ESPN: variants seen among roughly 807,000 people sequenced by gnomAD.
ESPN encodes the protein autosomal recessive deafness type 36 protein.
ESPN carries 68 observed loss-of-function variants against 77.7 expected under a neutral mutation model. The observed-to-expected ratio is 0.87, with a 90% confidence interval of 0.72 to 1.07. The LOEUF is 1.07. ESPN is among the 50% of genes least tolerant of loss of function. The probability of loss-of-function intolerance (pLI) is 0.00; values close to 1 mark genes in which losing one functional copy is unlikely to be tolerated. For synonymous variants in ESPN, 449 were observed against 567.1 expected (o/e 0.79, Z 2.96); for missense variants, 1,060 against 1,239.0 (o/e 0.86, Z 2.17).
chr1:6,433,079 A>G (rs11121849), intron 2 of ESPN, among the ~76,000 whole-genome samples: 27,689 of 149,554 alleles, frequency 0.19, 3,605 homozygotes, highest in African/African-American at 0.37. Flanking sequence ...CCAAGATCGC[A>G]CCACTGCACT....
chr1:6,433,718 A>G (rs74049570), intron 2 of ESPN, among the ~76,000 whole-genome samples: 3,958 of 151,936 alleles, frequency 0.026, 168 homozygotes, highest in African/African-American at 0.091. Context: ...CTGTGGTCCC[A>G]TCCAACAGGC....
Position 6,425,266 on chromosome 1 carries a change from C to T in ESPN, c.294+17C>T, listed in dbSNP as rs755504213. Reference sequence around the variant, plus strand: ...AGAGTGCAGGTGGGTCCGCGCGGTTCGCCAGGGGCACTGAGGCTTCCTCCT... The same window carrying T: ...AGAGTGCAGGTGGGTCCGCGCGGTTTGCCAGGGGCACTGAGGCTTCCTCCT... On this transcript the variant is annotated intron_variant, in intron 1 of 12. Transcript: ENST00000645284. 5 of 1,566,568 alleles carry T rather than the reference C, an allele frequency of 3.2e-6. No homozygotes were observed. Among genetic ancestry groups the T allele is most frequent in the South Asian group, 2.3e-5 (2 of 86,796 alleles).
rs1279095321 is a variant in ESPN, at chr1:6,456,758, C to T, written c.2326-426C>T. ...CGTATCCACTCTATTGGGAAGATGG[C>T]AACCATGGGGTGAAGGTCCTTCACA... On this transcript the variant is annotated intron_variant, in intron 10 of 12. Coordinates refer to ENST00000645284, the MANE Select transcript of ESPN (RefSeq NM_031475.3). The T allele has an allele frequency of 2.0e-5, 6 of 301,448 alleles. No individual in the cohort carries two copies. The East Asian group carries it at 3.9e-4, about 20-fold the overall frequency. 18.7% of individuals were successfully genotyped at this position (301,448 alleles called of 1,614,324 possible).
intron 7 of ESPN, chr1:6,446,908 G>A (rs771418221): frequency 2.0e-5 from 3 of 152,272 alleles, no homozygotes; most frequent in Non-Finnish European, 4.4e-5. Flanking sequence ...GAGGGACACC[G>A]AACCTGCAGG....
At chr1:6,440,602 C>CCAAAG in intron 3 of ESPN, 24 bp from the exon 4 acceptor site, 12 of 1,256,452 alleles carry the variant, frequency 9.6e-6, no homozygotes, top group Non-Finnish European at 1.2e-5. Context: ...CCCCCGCCCC[C>CCAAAG]CTCTCCCCGC....
In ESPN at chr1:6,440,614, C is replaced by G. The variant is rs1250674562; in HGVS notation, c.676-12C>G. 12 of 1,433,794 alleles carry G rather than the reference C, an allele frequency of 8.4e-6. No homozygotes were observed. The highest frequency in any genetic ancestry group is 5.5e-5 in the East Asian group (2 of 36,596). 88.8% of individuals were successfully genotyped at this position (1,433,794 alleles called of 1,614,324 possible). A position where few individuals can be genotyped will look rare whatever the true frequency, so the allele number is the denominator to read the frequency against. On this transcript the variant is annotated splice_polypyrimidine_tract_variant and intron_variant, in intron 3 of 12. Transcript: ENST00000645284. ...CAGCCCCCGCCCCCCTCTCCCCGCC[C>G]GTCCCGCCCAGGTGAGCTGCACCGA... is the stretch of plus-strand genomic sequence containing the variant.
Position 6,451,217 on chromosome 1 carries a change from C to T in ESPN, c.1916-386C>T, listed in dbSNP as rs1643937871. ...GGGAGAGGGCCAGAGGGAGGCTCCA[C>T]CCCAGCCGGGCTGAGCCAGGGAACC... is the stretch of plus-strand genomic sequence containing the variant. On this transcript the variant is annotated intron_variant, in intron 8 of 12. Transcript: ENST00000645284. This position sits in a 1 kb window ranked among gnomAD's most constrained non-coding sequence, Gnocchi z 4.3. 3 of 361,362 alleles carry T rather than the reference C, an allele frequency of 8.3e-6. No homozygotes were observed. The highest frequency in any genetic ancestry group is 6.8e-5 in the South Asian group (3 of 44,128). 22.4% of individuals were successfully genotyped at this position (361,362 alleles called of 1,614,324 possible). A position where few individuals can be genotyped will look rare whatever the true frequency, so the allele number is the denominator to read the frequency against.
Position 6,451,277 on chromosome 1 carries a change from G to T in ESPN, c.1916-326G>T. On this transcript the variant is annotated intron_variant, in intron 8 of 12. Transcript: ENST00000645284. The surrounding 1 kb of genome is among the most constrained non-coding windows in gnomAD (Gnocchi z 4.3). Reference sequence around the variant, plus strand: ...GGTCAGGTGGCTGATTCCAGGTAGTGTTTTGGAGCTGGGCAGTCAGTGGCT... The same window carrying T: ...GGTCAGGTGGCTGATTCCAGGTAGTTTTTTGGAGCTGGGCAGTCAGTGGCT... 2.3e-6 allele frequency: 1 copy of T among 434,652 alleles called. No individual in the cohort carries two copies. Among genetic ancestry groups the T allele is most frequent in the East Asian group, 4.9e-5 (1 of 20,442 alleles). 26.9% of individuals were successfully genotyped at this position (434,652 alleles called of 1,614,324 possible).
At position 6,439,104 on chromosome 1, in the gene ESPN, T is replaced by G. The variant is rs1446772186; in HGVS notation, c.489-1150T>G. Among the ~76,000 whole-genome samples the G allele has an allele frequency of 2.6e-5, 4 of 152,082 alleles. No homozygotes were observed. In the East Asian group the frequency reaches 7.7e-4, roughly 29 times the overall value. ...TCCAGCCTGGATGACAGAGCAAGAC[T>G]CCGTCTCAAAAATAAAAATAAAAAA... On this transcript the variant is annotated intron_variant, in intron 2 of 12. Coordinates refer to ENST00000645284, the MANE Select transcript of ESPN (RefSeq NM_031475.3).
intron 1 of ESPN, among the ~76,000 whole-genome samples, chr1:6,426,562 C>T (rs536050468): frequency 1.3e-5 from 2 of 152,294 alleles, no homozygotes; most frequent in Admixed American, 6.5e-5. Flanking sequence ...CCACCACGCA[C>T]GAGGCTCCTG....
chr1:6,460,977 C>T, downstream of ESPN: 1 of 377,234 alleles, frequency 2.7e-6, no homozygotes, highest in East Asian at 7.4e-5. Flanking sequence ...CTCTCCTTCT[C>T]GGGGTAATTG....
At position 6,425,264 on chromosome 1, in the gene ESPN, T is replaced by A. The variant is rs1642993955; in HGVS notation, c.294+15T>A. On this transcript the variant is annotated intron_variant, in intron 1 of 12. Transcript: ENST00000645284. ...GCAGAGTGCAGGTGGGTCCGCGCGG[T>A]TCGCCAGGGGCACTGAGGCTTCCTC... is the stretch of plus-strand genomic sequence containing the variant. The A allele has an allele frequency of 6.4e-7, 1 of 1,566,284 alleles. No individual in the cohort carries two copies. Among genetic ancestry groups the A allele is most frequent in the Non-Finnish European group, 8.6e-7 (1 of 1,164,706 alleles).
rs1643794533 is a variant in ESPN at position 6,445,472 on chromosome 1, T to G, written c.1193-192T>G. The stretch of plus-strand genomic sequence containing the variant: ...GAGTGCCTGGTCTTCCCCCAGTAAG[T>G]GCTGGGCTGGGGCAGGGTAGGGCCA... On this transcript the variant is annotated intron_variant, in intron 6 of 12. Transcript: ENST00000645284. The G allele has an allele frequency of 7.4e-6, 5 of 678,756 alleles. No homozygotes were observed. The Admixed American group carries it at 1.1e-4, about 14-fold the overall frequency. 42.0% of individuals were successfully genotyped at this position (678,756 alleles called of 1,614,324 possible). A position where few individuals can be genotyped will look rare whatever the true frequency, so the allele number is the denominator to read the frequency against.
Position 6,440,703 on chromosome 1 carries a change from C to A in ESPN, c.753C>A (p.Gly251=), listed in dbSNP as rs1364295834. The A allele has an allele frequency of 1.3e-6, 2 of 1,546,868 alleles. No homozygotes were observed. Among genetic ancestry groups the A allele is most frequent in the Non-Finnish European group, 1.7e-6 (2 of 1,155,534 alleles). Residue 251 remains glycine (G), a synonymous_variant, in exon 4 of 13, where the codon GGC becomes GGA. Transcript: ENST00000645284. ...CCATGCACTTCGCGGCGAGCCGCGG[C>A]CACACCAAGGTGCTCAGCTGGCTGC... ...ATAMHFAASR[G]HTKVLSWLLL... is the part of the protein sequence containing the mutation.
rs1480316162 is a variant in ESPN at position 6,450,159 on chromosome 1, C to T, written c.1915+1068C>T. The stretch of plus-strand genomic sequence containing the variant: ...AGCACAGCCAGGGCTGGGTGCCCTA[C>T]CCCAACCCAGTGCCAAGGTGGAGGC... On this transcript the variant is annotated intron_variant, in intron 8 of 12. Coordinates refer to ENST00000645284, the MANE Select transcript of ESPN (RefSeq NM_031475.3). The surrounding 1 kb of genome is among the most constrained non-coding windows in gnomAD (Gnocchi z 4.3). Among the ~76,000 whole-genome samples, 1 of 152,124 alleles carries T rather than the reference C, an allele frequency of 6.6e-6. No individual in the cohort carries two copies. The highest frequency in any genetic ancestry group is 1.5e-5 in the Non-Finnish European group (1 of 68,010).
downstream of ESPN, chr1:6,461,034 CT>C (rs1334739556): frequency 1.2e-5 from 5 of 430,384 alleles, no homozygotes; most frequent in African/African-American, 2.0e-5. The surrounding 1 kb of genome is among the most constrained non-coding windows in gnomAD (Gnocchi z 6.3). Flanking sequence ...TAAGGCCACA[CT>C]GGACTCCACC....
chr1:6,460,193 CGCCCCA>C lies in ESPN; in HGVS notation c.*57_*62del. ...AGCCTCGCAGCTCCGTGGGGCCCTC[CGCCCCA>C]GCCCCAGCCAGCCAGGCCCTGGTGG... On this transcript the variant is annotated 3_prime_UTR_variant, in exon 13 of 13. Coordinates refer to ENST00000645284, the MANE Select transcript of ESPN (RefSeq NM_031475.3). The C allele has an allele frequency of 6.3e-7, 1 of 1,590,830 alleles. No individual in the cohort carries two copies. The highest frequency in any genetic ancestry group is 8.6e-7 in the Non-Finnish European group (1 of 1,165,180).
chr1:6,460,076 AC>A lies in ESPN; in HGVS notation c.2496del (p.Tyr832Ter), dbSNP rs754472294. On this transcript the variant is annotated frameshift_variant, in exon 13 of 13. Coordinates refer to ENST00000645284, the MANE Select transcript of ESPN (RefSeq NM_031475.3). LOFTEE classifies it high-confidence loss of function. Reference sequence around the variant, plus strand: ...TCAGAGAAGCTGCGGACGCTGGGCTACGATGAGAGCAAGCTGGCGCCCTGGC... The same window carrying A: ...TCAGAGAAGCTGCGGACGCTGGGCTAGATGAGAGCAAGCTGGCGCCCTGGC... ...EQSEKLRTLGYDESKLAPWQR... is the reference protein window; with the variant it reads ...EQSEKLRTLGXDESKLAPWQR... The A allele has an allele frequency of 1.9e-6, 3 of 1,613,560 alleles. No individual in the cohort carries two copies. In the South Asian group the frequency reaches 3.3e-5, roughly 18 times the overall value.
intron 2 of ESPN, among the ~76,000 whole-genome samples, chr1:6,432,570 T>C (rs1161570552): frequency 1.3e-5 from 2 of 152,220 alleles, no homozygotes; most frequent in African/African-American, 4.8e-5. Context: ...CTAGTGCCCC[T>C]GCCCTACCCT....
Sources: gnomAD v4.1 joint callset for allele counts (sites outside exome capture counted in the v4.1 genomes callset) on GRCh38, gnomAD v4.1.1 for gene constraint, Gnocchi (gnomAD v3.1) non-coding constraint, MANE v1.5 for transcripts, NCBI Gene and HGNC (gene_info 2026-07-23, HGNC 2026-07-21) for gene names.